SUSD4: variants seen among roughly 807,000 people sequenced by gnomAD.
SUSD4 encodes the protein sushi domain containing 4.
Under a neutral mutation model 50.5 loss-of-function variants are expected in SUSD4, and 41 were observed. That is an observed-to-expected ratio of 0.81 (90% CI 0.63 to 1.05). The LOEUF is 1.05. SUSD4 is among the 50% of genes least tolerant of loss of function. The pLI is 0.00. For synonymous variants in SUSD4, 257 were observed against 257.3 expected (o/e 1.00, Z 0.01); for missense variants, 580 against 634.7 (o/e 0.91, Z 0.93).
chr1:223,306,092 G>A (rs1463531051), intron 2 of SUSD4, among the ~76,000 whole-genome samples: 1 of 152,198 alleles, frequency 6.6e-6, no homozygotes, highest in Non-Finnish European at 1.5e-5. Flanking sequence ...GACCACAGAT[G>A]TGGAAGTCAT....
intron 7 of SUSD4, among the ~76,000 whole-genome samples, chr1:223,226,422 A>G (rs1279754729): frequency 6.6e-6 from 1 of 152,214 alleles, no homozygotes; most frequent in African/African-American, 2.4e-5. Context: ...TGCACCTATC[A>G]GGTTGTGACC....
chr1:223,239,187 A>G (rs1450603157), intron 5 of SUSD4, among the ~76,000 whole-genome samples: 6 of 151,918 alleles, frequency 3.9e-5, no homozygotes, highest in Non-Finnish European at 8.8e-5. Flanking sequence ...AGCAGGGTAC[A>G]TTTTTTTCCA....
At chr1:223,225,750 A>G (rs1294522112) in intron 7 of SUSD4, among the ~76,000 whole-genome samples, 1 of 152,072 alleles carries the variant, frequency 6.6e-6, no homozygotes, top group Non-Finnish European at 1.5e-5. Flanking sequence ...TTCTCACCCT[A>G]ACAGTCCACA....
chr1:223,221,210 C>G lies in SUSD4; in HGVS notation c.*982G>C, dbSNP rs552820309. On this transcript the variant is annotated 3_prime_UTR_variant, in exon 9 of 9. Transcript: ENST00000366878. ...CCAACCTCACACTTCTTTTGAAGGT[C>G]GGATATGTTTACAGAAACAATTTCT... 5.0e-6 allele frequency: 2 copies of G among 399,630 alleles called. No individual in the cohort carries two copies. Among genetic ancestry groups the G allele is most frequent in the African/African-American group, 4.1e-5 (2 of 48,668 alleles). 24.8% of individuals were successfully genotyped at this position (399,630 alleles called of 1,614,324 possible).
chr1:223,357,956 T>C (rs1048105972), intron 2 of SUSD4, among the ~76,000 whole-genome samples: 2 of 152,190 alleles, frequency 1.3e-5, no homozygotes, highest in Non-Finnish European at 2.9e-5. Context: ...TTAGACATAC[T>C]GTTACTATGT....
intron 3 of SUSD4, 112 bp from the exon 4 acceptor site, chr1:223,268,787 C>G (rs895716813): frequency 1.2e-5 from 13 of 1,086,862 alleles, no homozygotes; most frequent in Middle Eastern, 2.7e-4. Context: ...ACACAGCAAT[C>G]TGATAAATGG....
chr1:223,292,768 C>A (rs1325158480), intron 2 of SUSD4, 117 bp from the exon 3 acceptor site: 2 of 1,056,686 alleles, frequency 1.9e-6, no homozygotes, highest in Non-Finnish European at 2.7e-6. Flanking sequence ...CTCCAGTTAC[C>A]CCACCACCAA....
chr1:223,329,488 T>C (rs554922571), intron 2 of SUSD4, among the ~76,000 whole-genome samples: 1 of 152,330 alleles, frequency 6.6e-6, no homozygotes, highest in Non-Finnish European at 1.5e-5. Context: ...TTCCCAGCAT[T>C]CCACCTACAC....
chr1:223,353,467 G>C (rs1366658949), intron 2 of SUSD4, among the ~76,000 whole-genome samples: 1 of 152,198 alleles, frequency 6.6e-6, no homozygotes, highest in African/African-American at 2.4e-5. Context: ...AAGTCCAGAG[G>C]AACAAGTCTT....
chr1:223,308,131 G>A (rs1665658896), intron 2 of SUSD4, among the ~76,000 whole-genome samples: 1 of 152,106 alleles, frequency 6.6e-6, no homozygotes, highest in South Asian at 2.1e-4. Flanking sequence ...TGAAAACTAT[G>A]TGATATGGTT....
intron 2 of SUSD4, among the ~76,000 whole-genome samples, chr1:223,300,575 G>C (rs1447854915): frequency 6.6e-6 from 1 of 151,792 alleles, no homozygotes; most frequent in Non-Finnish European, 1.5e-5. Flanking sequence ...TGTATCAAAT[G>C]TAGCCAAATC....
At chr1:223,223,099 G>A in intron 8 of SUSD4, 150 bp downstream of exon 8, 2 of 1,161,386 alleles carry the variant, frequency 1.7e-6, no homozygotes, top group Non-Finnish European at 2.3e-6. Context: ...CATGGAGAGA[G>A]AGCATGAAGC....
intron 2 of SUSD4, among the ~76,000 whole-genome samples, chr1:223,322,306 G>A (rs139777775): frequency 2.0e-5 from 3 of 152,256 alleles, no homozygotes; most frequent in East Asian, 1.9e-4. Context: ...AAATTAAAAG[G>A]TAAATTGTTT....
intron 5 of SUSD4, among the ~76,000 whole-genome samples, chr1:223,234,427 A>T (rs1558167949): frequency 6.6e-6 from 1 of 152,320 alleles, no homozygotes; most frequent in Non-Finnish European, 1.5e-5. Context: ...TTACATGCCT[A>T]ATACTTGTAC....
At chr1:223,254,426 T>C (rs1661546807) in intron 5 of SUSD4, among the ~76,000 whole-genome samples, 1 of 150,458 alleles carries the variant, frequency 6.6e-6, no homozygotes, top group Non-Finnish European at 1.5e-5. Flanking sequence ...AGACAGAGGG[T>C]TAATGGTTGT....
intron 2 of SUSD4, among the ~76,000 whole-genome samples, chr1:223,339,144 T>A (rs1667617412): frequency 1.3e-5 from 2 of 152,214 alleles, no homozygotes; most frequent in African/African-American, 4.8e-5. Flanking sequence ...GAAAATGAAG[T>A]AGCCAAGTGC....
chr1:223,316,361 C>T (rs953640067), intron 2 of SUSD4, among the ~76,000 whole-genome samples: 1 of 152,120 alleles, frequency 6.6e-6, no homozygotes. Context: ...TACTGCCTTG[C>T]TGCATCCCAT....
chr1:223,325,787 A>G (rs1398024164), intron 2 of SUSD4, among the ~76,000 whole-genome samples: 1 of 152,168 alleles, frequency 6.6e-6, no homozygotes, highest in African/African-American at 2.4e-5. Context: ...GCAAACAACA[A>G]CAAAACCTAG....
chr1:223,304,771 A>C (rs1665414524), intron 2 of SUSD4, among the ~76,000 whole-genome samples: 1 of 108,434 alleles, frequency 9.2e-6, no homozygotes, highest in Admixed American at 1.1e-4. Flanking sequence ...AAGTTCCTTA[A>C]CCTCTCTGTG....
Sources: allele counts gnomAD v4.1 joint callset (sites outside exome capture counted in the v4.1 genomes callset), GRCh38; gene constraint gnomAD v4.1.1; transcripts MANE v1.5; gene names NCBI Gene and HGNC (gene_info 2026-07-23, HGNC 2026-07-21).